KCNH7: variants seen among roughly 807,000 people sequenced by gnomAD.
KCNH7 encodes the protein voltage-gated inwardly rectifying potassium channel KCNH7.
A neutral mutation model predicts 120.8 loss-of-function variants in KCNH7; 49 were observed. That is an observed-to-expected ratio of 0.41 (90% CI 0.32 to 0.51). KCNH7 has a LOEUF of 0.51. Among genes scored for constraint, KCNH7 ranks in the 20% least tolerant of loss-of-function variants. The probability of loss-of-function intolerance (pLI) is 0.38; values close to 1 mark genes in which losing one functional copy is unlikely to be tolerated. For synonymous variants in KCNH7, 547 were observed against 516.1 expected (o/e 1.06, Z -0.81); for missense variants, 1,097 against 1,446.6 (o/e 0.76, Z 3.92).
intron 6 of KCNH7, among the ~76,000 whole-genome samples, chr2:162,453,328 G>A (rs945357198): frequency 4.6e-5 from 7 of 152,152 alleles, no homozygotes; most frequent in African/African-American, 1.4e-4. Flanking sequence ...ATTCCATGGT[G>A]TACATGTGCT....
intron 2 of KCNH7, among the ~76,000 whole-genome samples, chr2:162,730,886 CAG>C (rs1277842317): frequency 1.3e-5 from 2 of 151,872 alleles, no homozygotes; most frequent in African/African-American, 4.8e-5. Context: ...AGAAAGAAAA[CAG>C]AAAGGGCAGG....
chr2:162,471,817 A>T (rs191677724), intron 6 of KCNH7, among the ~76,000 whole-genome samples: 33 of 152,352 alleles, frequency 2.2e-4, no homozygotes, highest in African/African-American at 7.7e-4. Context: ...TGGAGGCATC[A>T]TGCTACCTGA....
intron 7 of KCNH7, among the ~76,000 whole-genome samples, chr2:162,440,476 C>T (rs1688384048): frequency 6.6e-6 from 1 of 152,028 alleles, no homozygotes; most frequent in Non-Finnish European, 1.5e-5. Context: ...TTATATACAT[C>T]ATTCAATTAT....
intron 2 of KCNH7, among the ~76,000 whole-genome samples, chr2:162,746,234 A>C (rs1574334450): frequency 6.6e-6 from 1 of 152,114 alleles, no homozygotes; most frequent in African/African-American, 2.4e-5. Context: ...TAATTACAAA[A>C]TTCACTGTGG....
chr2:162,717,338 A>G (rs1687159944), intron 2 of KCNH7, among the ~76,000 whole-genome samples: 1 of 152,042 alleles, frequency 6.6e-6, no homozygotes, highest in Admixed American at 6.6e-5. Context: ...AGGTTAGGTA[A>G]ATTGTATACA....
At chr2:162,787,389 G>C (rs1419278875) in intron 2 of KCNH7, among the ~76,000 whole-genome samples, 2 of 151,876 alleles carry the variant, frequency 1.3e-5, no homozygotes, top group African/African-American at 4.8e-5. Flanking sequence ...CAGACTCAGT[G>C]GCTCCAGGCT....
chr2:162,575,834 T>G (rs1449818166), intron 2 of KCNH7, among the ~76,000 whole-genome samples: 2 of 152,118 alleles, frequency 1.3e-5, no homozygotes, highest in African/African-American at 4.8e-5. Context: ...TTTTAAAAAT[T>G]TAAAATTAGC....
chr2:162,701,461 T>A (rs574607850), intron 2 of KCNH7, among the ~76,000 whole-genome samples: 6 of 152,316 alleles, frequency 3.9e-5, no homozygotes, highest in Admixed American at 2.6e-4. Context: ...TCCATTTATA[T>A]AGTATTTCTC....
intron 12 of KCNH7, among the ~76,000 whole-genome samples, chr2:162,386,334 T>C (rs1259606764): frequency 2.0e-5 from 3 of 151,910 alleles, no homozygotes; most frequent in African/African-American, 4.8e-5. Context: ...ATTTTCTTTG[T>C]TTTTAACTTC....
At chr2:162,461,066 C>CT (rs35653647) in intron 6 of KCNH7, among the ~76,000 whole-genome samples, 4 of 152,096 alleles carry the variant, frequency 2.6e-5, no homozygotes, top group Admixed American at 6.6e-5. Context: ...GTAGAACTAC[C>CT]TTTTTTTCTA....
intron 4 of KCNH7, among the ~76,000 whole-genome samples, chr2:162,516,334 T>A (rs1691294456): frequency 1.3e-5 from 2 of 151,754 alleles, no homozygotes; most frequent in Non-Finnish European, 2.9e-5. Context: ...TTCTTCTGGT[T>A]TGGGAAGGGG....
In KCNH7 at chr2:162,373,468, AC is replaced by A; in HGVS notation, c.3324+1del. The stretch of plus-strand genomic sequence containing the variant: ...TCTTGGTTGGATGGTATCCACACTT[AC>A]TTGTGAGGAAGGGCTGAAACTTCGG... On this transcript the variant is annotated splice_donor_variant, in intron 15 of 15. Coordinates refer to ENST00000332142, the MANE Select transcript of KCNH7 (RefSeq NM_033272.4). LOFTEE classifies it high-confidence loss of function. The A allele has an allele frequency of 6.6e-7, 1 of 1,516,604 alleles. No homozygotes were observed. The highest frequency in any genetic ancestry group is 8.9e-7 in the Non-Finnish European group (1 of 1,128,548). The allele number at this position is 1,516,604 out of a possible 1,614,324, so 93.9% of individuals were successfully genotyped here. A position where few individuals can be genotyped will look rare whatever the true frequency, so the allele number is the denominator to read the frequency against.
intron 2 of KCNH7, among the ~76,000 whole-genome samples, chr2:162,765,024 T>C (rs2105458956): frequency 6.6e-6 from 1 of 151,660 alleles, no homozygotes; most frequent in Non-Finnish European, 1.5e-5. Context: ...CTGACATGAA[T>C]ATCTACACTG....
chr2:162,507,082 G>A (rs1379900941), intron 5 of KCNH7, among the ~76,000 whole-genome samples: 1 of 151,790 alleles, frequency 6.6e-6, no homozygotes, highest in Non-Finnish European at 1.5e-5. Context: ...CAATTTCCAT[G>A]TAGAGGTAAG....
intron 6 of KCNH7, among the ~76,000 whole-genome samples, chr2:162,451,334 A>T (rs1688764563): frequency 6.6e-6 from 1 of 152,092 alleles, no homozygotes; most frequent in Non-Finnish European, 1.5e-5. Context: ...CAAACGAACC[A>T]ACTCTATCCA....
At chr2:162,610,693 C>T (rs527269522) in intron 2 of KCNH7, among the ~76,000 whole-genome samples, 14 of 152,272 alleles carry the variant, frequency 9.2e-5, no homozygotes, top group African/African-American at 3.1e-4. Context: ...TATCTCATCT[C>T]TGCTAAGGTA....
At chr2:162,566,187 G>T (rs777463161) in intron 2 of KCNH7, among the ~76,000 whole-genome samples, 22 of 151,922 alleles carry the variant, frequency 1.4e-4, no homozygotes, top group Non-Finnish European at 2.6e-4. Context: ...AAAAGCATCT[G>T]TTGTTTATTA....
intron 12 of KCNH7, among the ~76,000 whole-genome samples, chr2:162,390,979 G>A (rs1396030974): frequency 6.6e-6 from 1 of 151,998 alleles, no homozygotes; most frequent in East Asian, 1.9e-4. Flanking sequence ...TGGAAGCGGA[G>A]TGGCAGGCGG....
intron 2 of KCNH7, among the ~76,000 whole-genome samples, chr2:162,678,216 C>T (rs1444491923): frequency 6.6e-6 from 1 of 151,256 alleles, no homozygotes. Context: ...ACTTTCTTAA[C>T]AAAATTTATC....
Sources: allele counts gnomAD v4.1 joint callset (sites outside exome capture counted in the v4.1 genomes callset), GRCh38; gene constraint gnomAD v4.1.1; transcripts MANE v1.5; gene names NCBI Gene and HGNC (gene_info 2026-07-23, HGNC 2026-07-21).